The following WWTR1 variants were observed in gnomAD, a reference collection of about 807,000 sequenced individuals.
WWTR1 encodes the protein WW domain-containing transcription regulator protein 1.
Under a neutral mutation model 40.1 loss-of-function variants are expected in WWTR1, and 13 were observed. That is an observed-to-expected ratio of 0.32 (90% CI 0.21 to 0.52). WWTR1 has a LOEUF of 0.52. WWTR1 is among the 20% of genes least tolerant of loss of function. WWTR1 has a pLI of 0.97. For synonymous variants in WWTR1, 230 were observed against 210.1 expected (o/e 1.09, Z -0.82); for missense variants, 436 against 523.1 (o/e 0.83, Z 1.63).
At chr3:149,548,032 G>A (rs974742743) in intron 3 of WWTR1, among the ~76,000 whole-genome samples, 4 of 121,902 alleles carry the variant, frequency 3.3e-5, no homozygotes, top group Non-Finnish European at 6.5e-5. Context: ...TGTCCTTGGT[G>A]AAGCAAACAG....
intron 4 of WWTR1, among the ~76,000 whole-genome samples, chr3:149,719,215 C>A (rs2108236871): frequency 6.6e-6 from 1 of 150,904 alleles, no homozygotes; most frequent in East Asian, 1.9e-4. Flanking sequence ...GTTGCCCAGG[C>A]TGGGGTGCAG....
chr3:149,655,952 G>A (rs1406042231), intron 2 of WWTR1, among the ~76,000 whole-genome samples: 1 of 152,148 alleles, frequency 6.6e-6, no homozygotes, highest in African/African-American at 2.4e-5. Flanking sequence ...GGCAGTGCAG[G>A]CAATCCTGAA....
At chr3:149,572,273 CAT>C (rs1391976654) in intron 3 of WWTR1, among the ~76,000 whole-genome samples, 2 of 151,562 alleles carry the variant, frequency 1.3e-5, no homozygotes, top group Admixed American at 1.3e-4. Flanking sequence ...CTATCTGACA[CAT>C]GTTATGCAGC....
intron 2 of WWTR1, among the ~76,000 whole-genome samples, chr3:149,641,444 C>T (rs995499044): frequency 1.1e-4 from 17 of 152,218 alleles, no homozygotes; most frequent in African/African-American, 3.6e-4. Context: ...CCTTTATTCA[C>T]ACACATGAGG....
At chr3:149,627,114 GT>G (rs1252015371) in intron 2 of WWTR1, among the ~76,000 whole-genome samples, 2 of 152,074 alleles carry the variant, frequency 1.3e-5, no homozygotes, top group Non-Finnish European at 2.9e-5. Flanking sequence ...TAAATAATTT[GT>G]TTAGTACAAA....
rs1734943288 is a variant in WWTR1 at position 149,519,529 on chromosome 3, T to G, written c.*1276A>C. 6.6e-6 allele frequency: 1 copy of G among 152,344 alleles called. No homozygotes were observed. The highest frequency in any genetic ancestry group is 1.9e-4 in the East Asian group (1 of 5,190). 9.4% of individuals were successfully genotyped at this position (152,344 alleles called of 1,614,324 possible). ...TGTGTGGTGTGCTATCAGGTTGAAA[T>G]CTATGTTGTCCTGATGTTTTCAGAG... is the stretch of plus-strand genomic sequence containing the variant. On this transcript the variant is annotated 3_prime_UTR_variant, in exon 7 of 7. Coordinates refer to ENST00000360632, the MANE Select transcript of WWTR1 (RefSeq NM_015472.6).
chr3:149,640,333 T>C (rs1712096346), intron 2 of WWTR1, among the ~76,000 whole-genome samples: 1 of 152,206 alleles, frequency 6.6e-6, no homozygotes, highest in Non-Finnish European at 1.5e-5. Flanking sequence ...AAAGAACTTT[T>C]TGAAAGTTTC....
chr3:149,605,421 C>T (rs932314768), intron 2 of WWTR1, among the ~76,000 whole-genome samples: 5 of 151,888 alleles, frequency 3.3e-5, no homozygotes, highest in Non-Finnish European at 5.9e-5. Flanking sequence ...ATGTATGAGG[C>T]GGGACTGAGA....
chr3:149,707,808 G>A (rs184049328), upstream of WWTR1, among the ~76,000 whole-genome samples: 3 of 151,932 alleles, frequency 2.0e-5, no homozygotes, highest in Admixed American at 2.0e-4. Context: ...TACTGAACTT[G>A]CAATAGTCTC....
intron 2 of WWTR1, among the ~76,000 whole-genome samples, chr3:149,666,263 G>A (rs560757258): frequency 6.6e-6 from 1 of 152,084 alleles, no homozygotes; most frequent in Non-Finnish European, 1.5e-5. Context: ...TTCATGCCTG[G>A]TCAAAAAAGT....
chr3:149,608,106 ATAT>A (rs1445957227), intron 2 of WWTR1, among the ~76,000 whole-genome samples: 1 of 152,172 alleles, frequency 6.6e-6, no homozygotes, highest in Non-Finnish European at 1.5e-5. Context: ...TCAATATCTG[ATAT>A]TGTTGAATTC....
chr3:149,690,119 A>G (rs931777354), intron 1 of WWTR1, among the ~76,000 whole-genome samples: 1 of 152,142 alleles, frequency 6.6e-6, no homozygotes, highest in African/African-American at 2.4e-5. Flanking sequence ...GAATTAAAAA[A>G]CCCACAACAG....
At chr3:149,710,562 T>TCC (rs1715448436) in intron 5 of WWTR1, among the ~76,000 whole-genome samples, 6 of 72,140 alleles carry the variant, frequency 8.3e-5, no homozygotes, top group Non-Finnish European at 1.2e-4. Flanking sequence ...ATTATCATTA[T>TCC]CCCCGCCTCC....
At chr3:149,612,819 T>C (rs1739796827) in intron 2 of WWTR1, among the ~76,000 whole-genome samples, 1 of 152,198 alleles carries the variant, frequency 6.6e-6, no homozygotes, top group Admixed American at 6.5e-5. Flanking sequence ...CATCGTCTCC[T>C]CTTAACTCCC....
intron 2 of WWTR1, among the ~76,000 whole-genome samples, chr3:149,614,896 T>C (rs1739894028): frequency 6.6e-6 from 1 of 151,848 alleles, no homozygotes; most frequent in African/African-American, 2.4e-5. Context: ...GGCAGGAGAA[T>C]CACTTGAACC....
intron 2 of WWTR1, chr3:149,576,333 T>A (rs1412668096): frequency 3.1e-6 from 1 of 318,294 alleles, no homozygotes; most frequent in East Asian, 7.7e-5. Flanking sequence ...TCCCCCTACT[T>A]CCCACCACTT....
At chr3:149,655,362 T>C (rs1713145810) in intron 2 of WWTR1, among the ~76,000 whole-genome samples, 1 of 148,130 alleles carries the variant, frequency 6.8e-6, no homozygotes, top group Non-Finnish European at 1.5e-5. Flanking sequence ...GAAGAATTGC[T>C]TGAACCCAGG....
intron 2 of WWTR1, among the ~76,000 whole-genome samples, chr3:149,583,078 G>A (rs1340051859): frequency 6.6e-6 from 1 of 152,118 alleles, no homozygotes; most frequent in African/African-American, 2.4e-5. Flanking sequence ...CGATTCTCCT[G>A]CCTCAACCTC....
intron 1 of WWTR1, among the ~76,000 whole-genome samples, chr3:149,694,873 A>G (rs556220083): frequency 6.6e-6 from 1 of 152,382 alleles, no homozygotes; most frequent in South Asian, 2.1e-4. Context: ...TGTTCACTGC[A>G]GCACTATTCA....
Sources: allele counts gnomAD v4.1 joint callset (sites outside exome capture counted in the v4.1 genomes callset), GRCh38; gene constraint gnomAD v4.1.1; transcripts MANE v1.5; gene names NCBI Gene and HGNC (gene_info 2026-07-23, HGNC 2026-07-21).